C8orf34: variants seen among roughly 807,000 people sequenced by gnomAD.
C8orf34 encodes chromosome 8 open reading frame 34, also known as uncharacterized protein C8orf34.
C8orf34 carries 65 observed loss-of-function variants against 68.3 expected under a neutral mutation model. The observed-to-expected ratio is 0.95, with a 90% confidence interval of 0.78 to 1.17. The LOEUF (loss-of-function observed/expected upper bound fraction) is 1.17. Among genes scored for constraint, C8orf34 ranks in the 50% most tolerant of loss-of-function variants. C8orf34 has a pLI of 0.00. For synonymous variants in C8orf34, 244 were observed against 241.2 expected (o/e 1.01, Z -0.11); for missense variants, 664 against 655.4 (o/e 1.01, Z -0.14).
chr8:68,803,594 C>A (rs899629425), intron 12 of C8orf34, among the ~76,000 whole-genome samples: 1 of 151,798 alleles, frequency 6.6e-6, no homozygotes, highest in Non-Finnish European at 1.5e-5. Context: ...ACCTAAAAGA[C>A]CAAAATTTCT....
At chr8:68,750,004 G>A (rs190234439) in intron 10 of C8orf34, among the ~76,000 whole-genome samples, 2 of 152,064 alleles carry the variant, frequency 1.3e-5, no homozygotes, top group East Asian at 3.9e-4. Flanking sequence ...GGAATTGCTG[G>A]GTCATATGAC....
At chr8:68,388,842 C>T (rs1052398365) in intron 1 of C8orf34, among the ~76,000 whole-genome samples, 1 of 152,060 alleles carries the variant, frequency 6.6e-6, no homozygotes, top group African/African-American at 2.4e-5. Context: ...CCAAAATTTG[C>T]ATTTCTGTTT....
chr8:68,732,209 A>C (rs1821997673), intron 10 of C8orf34, among the ~76,000 whole-genome samples: 1 of 152,232 alleles, frequency 6.6e-6, no homozygotes, highest in South Asian at 2.1e-4. Flanking sequence ...TTCCAGAGGA[A>C]GGCCATTAGG....
intron 10 of C8orf34, among the ~76,000 whole-genome samples, chr8:68,728,410 C>T (rs1413374230): frequency 1.3e-5 from 2 of 152,204 alleles, no homozygotes; most frequent in African/African-American, 4.8e-5. Context: ...TCAAACTGTT[C>T]CAACCTCTGC....
chr8:68,676,321 G>T (rs1820188854), intron 8 of C8orf34, among the ~76,000 whole-genome samples: 2 of 151,770 alleles, frequency 1.3e-5, no homozygotes, highest in African/African-American at 4.8e-5. Flanking sequence ...GTGACACAGT[G>T]AGACCCTCTC....
At chr8:68,661,428 C>T (rs560025539) in intron 8 of C8orf34, among the ~76,000 whole-genome samples, 15 of 152,296 alleles carry the variant, frequency 9.8e-5, no homozygotes, top group South Asian at 2.1e-4. Context: ...CAGCTAGTTC[C>T]GGGTTCTTGT....
chr8:68,793,524 T>G (rs1430877502), intron 12 of C8orf34, among the ~76,000 whole-genome samples: 2 of 151,920 alleles, frequency 1.3e-5, no homozygotes, highest in East Asian at 3.9e-4. Flanking sequence ...GGGACATGGA[T>G]GAAGGTGGAG....
intron 8 of C8orf34, among the ~76,000 whole-genome samples, chr8:68,701,634 G>A (rs2130936759): frequency 6.6e-6 from 1 of 152,096 alleles, no homozygotes; most frequent in South Asian, 2.1e-4. Flanking sequence ...AGCCCCTAAA[G>A]TGTCTCCTGG....
chr8:68,590,529 AAGG>A (rs1439444754), intron 7 of C8orf34, among the ~76,000 whole-genome samples: 2 of 152,166 alleles, frequency 1.3e-5, no homozygotes, highest in Non-Finnish European at 2.9e-5. Flanking sequence ...GGATGGTGGA[AAGG>A]AGAAGAGAGT....
chr8:68,571,624 C>A (rs1460406452), intron 7 of C8orf34, among the ~76,000 whole-genome samples: 1 of 152,096 alleles, frequency 6.6e-6, no homozygotes, highest in African/African-American at 2.4e-5. Context: ...AGGAAAAATT[C>A]TTTTGGTGTG....
intron 8 of C8orf34, among the ~76,000 whole-genome samples, chr8:68,685,050 AT>A (rs1419329463): frequency 6.6e-6 from 1 of 152,162 alleles, no homozygotes; most frequent in African/African-American, 2.4e-5. Context: ...GAAATAAAAA[AT>A]TTGTACCAGA....
chr8:68,422,046 T>C (rs769753530), intron 1 of C8orf34, among the ~76,000 whole-genome samples: 1 of 152,088 alleles, frequency 6.6e-6, no homozygotes, highest in South Asian at 2.1e-4. Context: ...CCTTGACACA[T>C]GGGGATTATG....
chr8:68,543,887 A>G (rs1815782209), intron 7 of C8orf34, among the ~76,000 whole-genome samples: 1 of 152,146 alleles, frequency 6.6e-6, no homozygotes. Flanking sequence ...TAGACTCTGA[A>G]CAAAAGGCAG....
chr8:68,585,281 A>G (rs1351848587), intron 7 of C8orf34, among the ~76,000 whole-genome samples: 1 of 152,132 alleles, frequency 6.6e-6, no homozygotes, highest in Non-Finnish European at 1.5e-5. Context: ...GTGATGAAAC[A>G]GTAAAACAAA....
At chr8:68,532,843 G>T (rs1815304973) in intron 6 of C8orf34, 140 bp from the exon 7 acceptor site, 2 of 608,838 alleles carry the variant, frequency 3.3e-6, no homozygotes, top group African/African-American at 3.8e-5. Context: ...GGGTGTCCAA[G>T]AAAGATGATA....
chr8:68,717,342 C>G (rs768607616), intron 9 of C8orf34, among the ~76,000 whole-genome samples: 3 of 151,964 alleles, frequency 2.0e-5, no homozygotes, highest in African/African-American at 4.8e-5. Flanking sequence ...AGGCGGGGCC[C>G]GGGTTCGACC....
rs75043567 is a variant in C8orf34, at chr8:68,513,580, A to C, written c.766-8219A>C. 7.3e-3 allele frequency among the ~76,000 whole-genome samples: 1,099 copies of C among 151,008 alleles called. 17 individuals carry two copies. Among genetic ancestry groups the C allele is most frequent in the African/African-American group, 0.026 (1,044 of 40,348 alleles). On this transcript the variant is annotated intron_variant, in intron 5 of 13. Coordinates refer to ENST00000518698, the MANE Select transcript of C8orf34 (RefSeq NM_052958.4). ...AAACGTCTTCTAAAAGGAATAAAAA[A>C]TAAAAGTTAACTGCTGACGGGGTAG...
At chr8:68,520,533 C>CG (rs1348092823) in intron 5 of C8orf34, among the ~76,000 whole-genome samples, 1 of 152,096 alleles carries the variant, frequency 6.6e-6, no homozygotes, top group African/African-American at 2.4e-5. Flanking sequence ...TCACTGCAAG[C>CG]TCCACCTCCC....
intron 7 of C8orf34, among the ~76,000 whole-genome samples, chr8:68,536,620 T>C (rs184917197): frequency 6.6e-6 from 1 of 152,144 alleles, no homozygotes; most frequent in East Asian, 1.9e-4. Flanking sequence ...ATTTGAAAGA[T>C]ATAACTACTT....
Sources: gnomAD v4.1 joint callset for allele counts (sites outside exome capture counted in the v4.1 genomes callset) on GRCh38, gnomAD v4.1.1 for gene constraint, MANE v1.5 for transcripts, NCBI Gene and HGNC (gene_info 2026-07-23, HGNC 2026-07-21) for gene names.